SASH1: variants seen among roughly 807,000 people sequenced by gnomAD.
SASH1 encodes the protein SAM and SH3 domain-containing protein 1.
In SASH1, 44 loss-of-function variants were observed where a neutral mutation model predicts 125.2. The observed-to-expected ratio is 0.35, with a 90% CI of 0.28 to 0.45. The LOEUF (loss-of-function observed/expected upper bound fraction) is 0.45. Ranked by LOEUF, SASH1 falls within the 20% of genes least tolerant of loss-of-function variation. The probability of loss-of-function intolerance (pLI) is 1.00; values close to 1 mark genes in which losing one functional copy is unlikely to be tolerated. For synonymous variants in SASH1, 639 were observed against 649.1 expected (o/e 0.98, Z 0.24); for missense variants, 1,426 against 1,614.5 (o/e 0.88, Z 2.00).
chr6:148,201,539 G>A, the SASH1 span, among the ~76,000 whole-genome samples: 1 of 152,022 alleles, frequency 6.6e-6, no homozygotes, highest in East Asian at 1.9e-4. Context: ...TTTCTAAGTT[G>A]CCAGGCAATG....
rs984986792 is a variant in SASH1 at position 148,549,483 on chromosome 6, G to C, written c.*925G>C. 2.5e-5 allele frequency: 10 copies of C among 396,808 alleles called. No homozygotes were observed. The highest frequency in any genetic ancestry group is 6.3e-4 in the Middle Eastern group (1 of 1,596). The allele number at this position is 396,808 out of a possible 1,614,324, so 24.6% of individuals were successfully genotyped here. On this transcript the variant is annotated 3_prime_UTR_variant, in exon 20 of 20. Transcript: ENST00000367467. ...TTTTAACCAGTTTAGTATCGTTACT[G>C]TGTGGATCGTCGCGCTGCAGTATTG...
chr6:148,481,420 A>T (rs909135808), intron 7 of SASH1, among the ~76,000 whole-genome samples: 6 of 152,052 alleles, frequency 3.9e-5, no homozygotes, highest in Non-Finnish European at 8.8e-5. Context: ...TGCATTCCCA[A>T]CTTAACTGTT....
At chr6:148,289,861 GTTTTTTTT>G (rs144013796) in intron 1 of SASH1, among the ~76,000 whole-genome samples, 12 of 85,894 alleles carry the variant, frequency 1.4e-4, no homozygotes, top group Non-Finnish European at 4.3e-5. Flanking sequence ...TTTTGGTTGT[GTTTTTTTT>G]TTTTTTTTTT....
chr6:148,482,904 G>A (rs1382581130), intron 7 of SASH1, among the ~76,000 whole-genome samples: 1 of 151,894 alleles, frequency 6.6e-6, no homozygotes, highest in African/African-American at 2.4e-5. Context: ...GGCCAGGCTG[G>A]TCTCGAACTC....
At chr6:148,355,693 G>A (rs536278268) in intron 1 of SASH1, among the ~76,000 whole-genome samples, 3 of 152,100 alleles carry the variant, frequency 2.0e-5, no homozygotes, top group Admixed American at 6.6e-5. Flanking sequence ...GAGGGGAGAC[G>A]AATAGAATGA....
At chr6:148,447,590 A>G (rs901082758) in intron 4 of SASH1, among the ~76,000 whole-genome samples, 1 of 151,848 alleles carries the variant, frequency 6.6e-6, no homozygotes, top group Non-Finnish European at 1.5e-5. Context: ...GATTGCTTGC[A>G]CCACTGATCT....
At chr6:148,197,330 C>T in the SASH1 span, among the ~76,000 whole-genome samples, 1 of 152,204 alleles carries the variant, frequency 6.6e-6, no homozygotes, top group African/African-American at 2.4e-5. Flanking sequence ...ATACAAACTA[C>T]ATCAAGTCAG....
chr6:148,326,326 A>ATG (rs1780799554), intron 1 of SASH1, among the ~76,000 whole-genome samples: 3 of 57,124 alleles, frequency 5.3e-5, no homozygotes, highest in African/African-American at 2.3e-4. Context: ...CCGCATGCAT[A>ATG]TATATATATA....
intron 2 of SASH1, among the ~76,000 whole-genome samples, chr6:148,416,545 C>A (rs766935224): frequency 6.6e-6 from 1 of 152,048 alleles, no homozygotes; most frequent in Non-Finnish European, 1.5e-5. Context: ...GTCGCAAAAC[C>A]CTTCACAAGT....
At chr6:148,269,774 AC>A (rs1779020953), upstream of SASH1, among the ~76,000 whole-genome samples, 1 of 152,132 alleles carries the variant, frequency 6.6e-6, no homozygotes, top group African/African-American at 2.4e-5. Context: ...GCACAATTCA[AC>A]CCTCAACAGT....
At position 148,525,293 on chromosome 6, in the gene SASH1, A is replaced by T. The variant is rs1266913327; in HGVS notation, c.1212A>T (p.Arg404Ser). The T allele has an allele frequency of 6.2e-7, 1 of 1,613,914 alleles. No individual in the cohort carries two copies. Among genetic ancestry groups the T allele is most frequent in the East Asian group, 2.2e-5 (1 of 44,890 alleles). ...CTGCCCTACCCTCTTTTCCACAGAG[A>T]ACCTGCAGTTTTGGAGGATTTGACT... The part of the protein sequence containing the change: ...KKGLGSLSHG[R>S]TCSFGGFDLT... The change falls in exon 11 of 20, where the codon AGA (arginine) becomes AGT (serine). Residue 404 changes from arginine (R) to serine (S), a missense_variant and splice_region_variant. Arg to Ser is a moderately radical substitution (Grantham distance 110, BLOSUM62 -1). Around this residue, in one of 3 missense-constraint regions of SASH1, gnomAD observed 567 missense variants for 575.6 expected, o/e 0.99. Coordinates refer to ENST00000367467, the MANE Select transcript of SASH1 (RefSeq NM_015278.5).
At chr6:148,542,069 G>A (rs1162286951) in intron 17 of SASH1, among the ~76,000 whole-genome samples, 2 of 152,104 alleles carry the variant, frequency 1.3e-5, no homozygotes, top group Admixed American at 6.5e-5. Flanking sequence ...CCAACTGTTG[G>A]TGATTGGTAA....
At chr6:148,492,948 A>G (rs1354597024) in intron 8 of SASH1, among the ~76,000 whole-genome samples, 1 of 152,188 alleles carries the variant, frequency 6.6e-6, no homozygotes, top group East Asian at 1.9e-4. Flanking sequence ...TTACCAAACT[A>G]TTTCTTCATA....
intron 7 of SASH1, among the ~76,000 whole-genome samples, chr6:148,487,348 G>C (rs1269358460): frequency 6.6e-6 from 1 of 152,016 alleles, no homozygotes; most frequent in Non-Finnish European, 1.5e-5. Context: ...GATACAAAGA[G>C]TCCATTTTGC....
intron 2 of SASH1, among the ~76,000 whole-genome samples, chr6:148,423,087 C>T (rs138328858): frequency 0.012 from 1,788 of 152,146 alleles, 31 homozygotes; most frequent in African/African-American, 0.04. Context: ...TACAGGCGCA[C>T]GCCACCACGC....
intron 1 of SASH1, among the ~76,000 whole-genome samples, chr6:148,368,770 G>GCACGCACACACACACACACACACACACA (rs1554245333): frequency 0.02 from 2,656 of 135,576 alleles, 73 homozygotes; most frequent in South Asian, 0.048. Flanking sequence ...GCACGCGCGC[G>GCACGCACACACACACACACACACACACA]CACACACACA....
intron 1 of SASH1, among the ~76,000 whole-genome samples, chr6:148,382,342 T>C (rs1783173813): frequency 1.3e-5 from 2 of 152,006 alleles, no homozygotes; most frequent in South Asian, 4.2e-4. Flanking sequence ...CAGGCTGGAG[T>C]GCGATGGTGC....
At chr6:148,445,814 G>A (rs906601874) in intron 4 of SASH1, among the ~76,000 whole-genome samples, 6 of 152,102 alleles carry the variant, frequency 3.9e-5, no homozygotes, top group South Asian at 4.2e-4. Flanking sequence ...TCATTTCCTC[G>A]TGCAGCAGCT....
At position 148,548,304 on chromosome 6, in the gene SASH1, G is replaced by A; in HGVS notation, c.3490G>A (p.Gly1164Ser). ...RKQHRMAIPS[G>S]GLTEICRKPV... ...TTCTTAATTTATCCAGATTCCAAGTGGTGGACTCACGGAAATCTGCCGAAA... is the reference window on the plus strand; with the variant it reads ...TTCTTAATTTATCCAGATTCCAAGTAGTGGACTCACGGAAATCTGCCGAAA... The change falls in exon 20 of 20, where the codon GGT (glycine) becomes AGT (serine). Residue 1164 changes from glycine to serine, a missense_variant. Coordinates refer to ENST00000367467, the MANE Select transcript of SASH1 (RefSeq NM_015278.5). 1 of 1,611,852 alleles carries A rather than the reference G, an allele frequency of 6.2e-7. No individual in the cohort carries two copies.
Sources: allele counts gnomAD v4.1 joint callset (sites outside exome capture counted in the v4.1 genomes callset), GRCh38; gene constraint gnomAD v4.1.1; regional missense constraint gnomAD v4.1.1; transcripts MANE v1.5; gene names NCBI Gene and HGNC (gene_info 2026-07-23, HGNC 2026-07-21).